Variants in PKHD1 observed in about 807,000 individuals in gnomAD.
PKHD1 encodes the protein fibrocystin.
A neutral mutation model predicts 412.0 loss-of-function variants in PKHD1; 291 were observed. The observed-to-expected ratio is 0.71, with a 90% CI of 0.64 to 0.78. The LOEUF is 0.78. Ranked by LOEUF, PKHD1 falls within the 30% of genes least tolerant of loss-of-function variation. The probability of loss-of-function intolerance (pLI) is 0.00; values close to 1 mark genes in which losing one functional copy is unlikely to be tolerated. For synonymous variants in PKHD1, 1,777 were observed against 1,821.5 expected, an observed-to-expected ratio of 0.98 and a Z score of 0.62; for missense variants, 4,825 against 4,950.7, an observed-to-expected ratio of 0.97 and a Z score of 0.76.
chr6:51,771,167 T>C (rs1032449955), intron 55 of PKHD1, among the ~76,000 whole-genome samples: 5 of 150,662 alleles, frequency 3.3e-5, no homozygotes, highest in Admixed American at 6.7e-5. Flanking sequence ...ACTATACCTA[T>C]TGTATAATTT....
chr6:51,683,528 T>C (rs1776991069), intron 60 of PKHD1, among the ~76,000 whole-genome samples: 1 of 152,050 alleles, frequency 6.6e-6, no homozygotes, highest in Non-Finnish European at 1.5e-5. Flanking sequence ...TTCAACCATA[T>C]ATAAGGTTAA....
chr6:51,724,895 G>A (rs1169617463), intron 60 of PKHD1, among the ~76,000 whole-genome samples: 1 of 152,132 alleles, frequency 6.6e-6, no homozygotes, highest in Non-Finnish European at 1.5e-5. Flanking sequence ...CATGCTAACA[G>A]CAAGGGGTGA....
chr6:52,079,102 C>G (rs1811693440), intron 5 of PKHD1, among the ~76,000 whole-genome samples: 1 of 152,188 alleles, frequency 6.6e-6, no homozygotes, highest in Admixed American at 6.5e-5. Flanking sequence ...TGAAGGGCAA[C>G]CACATCGACA....
intron 61 of PKHD1, among the ~76,000 whole-genome samples, chr6:51,656,592 T>C (rs1456983952): frequency 6.6e-6 from 1 of 151,994 alleles, no homozygotes; most frequent in African/African-American, 2.4e-5. Context: ...CTGTGTATTA[T>C]TTACTTTAAA....
chr6:52,015,286 C>T (rs1484354788), intron 34 of PKHD1, among the ~76,000 whole-genome samples: 1 of 152,144 alleles, frequency 6.6e-6, no homozygotes, highest in Non-Finnish European at 1.5e-5. Flanking sequence ...CTTCAAAGAA[C>T]ATGATTGTTA....
At chr6:51,852,833 G>T (rs1323233105) in intron 49 of PKHD1, among the ~76,000 whole-genome samples, 1 of 151,660 alleles carries the variant, frequency 6.6e-6, no homozygotes, top group Non-Finnish European at 1.5e-5. Context: ...CCTGAATACA[G>T]CACACTGATG....
At chr6:51,994,188 G>C (rs538419832) in intron 35 of PKHD1, among the ~76,000 whole-genome samples, 54 of 150,136 alleles carry the variant, frequency 3.6e-4, no homozygotes, top group Non-Finnish European at 6.2e-4. Flanking sequence ...AGGCCGGAGT[G>C]CAGTGGCACT....
chr6:51,658,847 G>A, intron 61 of PKHD1, 105 bp downstream of exon 61: 4 of 775,158 alleles, frequency 5.2e-6, no homozygotes, highest in Non-Finnish European at 9.1e-6. Context: ...TTAAAAAGCA[G>A]ATGAGTTATA....
chr6:52,053,297 C>T (rs145660710), intron 20 of PKHD1, 46 bp from the exon 21 acceptor site: 47 of 1,594,378 alleles, frequency 2.9e-5, no homozygotes, highest in Non-Finnish European at 3.9e-5. Flanking sequence ...GGAGCACTTG[C>T]AGTCCTCTCC....
In PKHD1 at chr6:51,847,964, C is replaced by T; in HGVS notation, c.7918G>A (p.Ala2640Thr). The change falls in exon 50 of 67, where the codon GCA becomes ACA. Residue 2640 changes from alanine (A) to threonine (T), a missense_variant. Physicochemically the swap from Ala to Thr is moderately conservative, Grantham distance 58 (BLOSUM62 0). Coordinates refer to ENST00000371117, the MANE Select transcript of PKHD1 (RefSeq NM_138694.4). ...LWINRSLQYS[A>T]TFDNFAPGNY... ...CCAGGAGCAAAGTTGTCAAAGGTTG[C>T]TGAGTACTTGAAGTGAAAGAAAAAC... 6.2e-7 allele frequency: 1 copy of T among 1,612,726 alleles called. No individual in the cohort carries two copies. The highest frequency in any genetic ancestry group is 2.2e-5 in the East Asian group (1 of 44,872).
chr6:51,905,937 A>G (rs1782000781), intron 41 of PKHD1, among the ~76,000 whole-genome samples: 1 of 152,174 alleles, frequency 6.6e-6, no homozygotes, highest in Admixed American at 6.5e-5. Context: ...GTGACTTAGA[A>G]TTATTGTGAA....
intron 37 of PKHD1, among the ~76,000 whole-genome samples, chr6:51,924,399 C>T (rs1785197622): frequency 6.6e-6 from 1 of 152,154 alleles, no homozygotes; most frequent in Non-Finnish European, 1.5e-5. Flanking sequence ...AAGGTGTTAG[C>T]AGGAAGCTAA....
At chr6:51,977,197 G>A (rs1794571480) in intron 35 of PKHD1, among the ~76,000 whole-genome samples, 1 of 152,166 alleles carries the variant, frequency 6.6e-6, no homozygotes, top group African/African-American at 2.4e-5. Flanking sequence ...AAACCCAGGT[G>A]AAAGAATGAG....
intron 35 of PKHD1, among the ~76,000 whole-genome samples, chr6:51,971,443 C>T (rs1583630664): frequency 1.3e-5 from 2 of 152,172 alleles, no homozygotes; most frequent in African/African-American, 4.8e-5. Context: ...AAACTCTCCT[C>T]ACACAGGACA....
intron 65 of PKHD1, among the ~76,000 whole-genome samples, chr6:51,629,092 AC>A (rs144079223): frequency 0.014 from 2,058 of 152,226 alleles, 50 homozygotes; most frequent in African/African-American, 0.047. Context: ...TAAATGTAAG[AC>A]CCAAAACTGT....
rs1389081132 is a variant in PKHD1, at chr6:51,919,788, G to A, written c.6122-7212C>T. Reference sequence around the variant, plus strand: ...ATGGAATGTTCTTCCATTTGTTTGTGTCCTCTTTGATTTCCTTGAGCAGTG... The same window carrying A: ...ATGGAATGTTCTTCCATTTGTTTGTATCCTCTTTGATTTCCTTGAGCAGTG... On this transcript the variant is annotated intron_variant, in intron 37 of 66. Coordinates refer to ENST00000371117, the MANE Select transcript of PKHD1 (RefSeq NM_138694.4). Among the ~76,000 whole-genome samples, 8 of 152,288 alleles carry A rather than the reference G, an allele frequency of 5.3e-5. No homozygotes were observed. The East Asian group carries it at 7.7e-4, about 15-fold the overall frequency.
In PKHD1 at chr6:51,659,947, T is replaced by C; in HGVS notation, c.10179A>G (p.Lys3393=). 1 of 1,608,280 alleles carries C rather than the reference T, an allele frequency of 6.2e-7. No individual in the cohort carries two copies. Among genetic ancestry groups the C allele is most frequent in the Non-Finnish European group, 8.5e-7 (1 of 1,175,074 alleles). ...FNAGTFREEQ[K]CTYQFLMQGF... is the part of the protein sequence containing the mutation. ...CTTGCATCAGAAATTGGTATGTACATTTCTGTTCTTCTCTAAATGTACCTA... is the reference window on the plus strand; with the variant it reads ...CTTGCATCAGAAATTGGTATGTACACTTCTGTTCTTCTCTAAATGTACCTA... Residue 3393 remains lysine, a synonymous_variant, in exon 61 of 67, where the codon AAA becomes AAG. Coordinates refer to ENST00000371117, the MANE Select transcript of PKHD1 (RefSeq NM_138694.4).
Position 52,047,597 on chromosome 6 carries a change from A to C in PKHD1, c.2407+895T>G, listed in dbSNP as rs1445002722. ...AATTGCATCTGAAAGTTCTTTCTAC[A>C]TTTGTTGGGACCACTGAAATCCTCC... is the stretch of plus-strand genomic sequence containing the variant. On this transcript the variant is annotated intron_variant, in intron 23 of 66. Coordinates refer to ENST00000371117, the MANE Select transcript of PKHD1 (RefSeq NM_138694.4). Among the ~76,000 whole-genome samples the C allele has an allele frequency of 3.9e-5, 6 of 152,166 alleles. No homozygotes were observed. In the East Asian group the frequency reaches 1.2e-3, roughly 29 times the overall value.
At chr6:51,847,645 C>G in intron 50 of PKHD1, 130 bp downstream of exon 50, 1 of 753,174 alleles carries the variant, frequency 1.3e-6, no homozygotes, top group Non-Finnish European at 2.3e-6. Flanking sequence ...AGGGAACATT[C>G]ACTCAACCAT....
Sources: gnomAD v4.1 joint callset for allele counts (sites outside exome capture counted in the v4.1 genomes callset) on GRCh38, gnomAD v4.1.1 for gene constraint, MANE v1.5 for transcripts, NCBI Gene and HGNC (gene_info 2026-07-23, HGNC 2026-07-21) for gene names.